The following CNTN1 variants were observed in gnomAD, a reference collection of about 807,000 sequenced individuals.
CNTN1 encodes contactin-1.
CNTN1 carries 38 observed loss-of-function variants against 126.4 expected under a neutral mutation model. The observed-to-expected ratio is 0.30, with a 90% CI of 0.23 to 0.39. The LOEUF (loss-of-function observed/expected upper bound fraction) is 0.39. Among genes scored for constraint, CNTN1 ranks in the 10% least tolerant of loss-of-function variants. The pLI is 1.00. For missense variants in CNTN1, 1,009 were observed against 1,248.4 expected (o/e 0.81, Z 2.89); for synonymous variants, 413 against 422.6 (o/e 0.98, Z 0.28).
At chr12:40,960,488 C>T (rs1050933869) in intron 15 of CNTN1, among the ~76,000 whole-genome samples, 4 of 152,010 alleles carry the variant, frequency 2.6e-5, no homozygotes, top group Non-Finnish European at 5.9e-5. Flanking sequence ...CTGCATTTCC[C>T]TCTAGAGCAA....
intron 1 of CNTN1, among the ~76,000 whole-genome samples, chr12:40,794,441 T>A (rs1193099886): frequency 1.6e-5 from 1 of 61,472 alleles, no homozygotes; most frequent in Non-Finnish European, 3.6e-5. Flanking sequence ...AATAACTACT[T>A]TTTTTTTTTT....
At chr12:40,863,607 CAGG>C (rs1176986028) in intron 1 of CNTN1, among the ~76,000 whole-genome samples, 1 of 152,142 alleles carries the variant, frequency 6.6e-6, no homozygotes, top group Non-Finnish European at 1.5e-5. Context: ...GGTTGCACAG[CAGG>C]AGGTGAGCAG....
intron 6 of CNTN1, among the ~76,000 whole-genome samples, chr12:40,926,171 G>GGATAGATAGATAGATA (rs56862813): frequency 0.033 from 4,576 of 137,526 alleles, 102 homozygotes; most frequent in East Asian, 0.042. Context: ...TGCTAAATAA[G>GGATAGATAGATAGATA]GATAGATAGA....
chr12:40,946,329 G>T (rs773231096), intron 14 of CNTN1, among the ~76,000 whole-genome samples: 8 of 152,122 alleles, frequency 5.3e-5, no homozygotes, highest in Middle Eastern at 3.4e-3. Flanking sequence ...AGAATTAGTG[G>T]CTCCTCCTAT....
chr12:40,730,549 T>C (rs1403164971), intron 1 of CNTN1, among the ~76,000 whole-genome samples: 3 of 152,182 alleles, frequency 2.0e-5, no homozygotes, highest in African/African-American at 7.2e-5. Context: ...AGAAATGACC[T>C]CAGTTGCCCA....
chr12:40,827,014 T>A lies in CNTN1; in HGVS notation c.-76-81343T>A, dbSNP rs58030804. 3.9e-3 allele frequency among the ~76,000 whole-genome samples: 596 copies of A among 152,306 alleles called. 3 individuals carry two copies. Among genetic ancestry groups the A allele is most frequent in the African/African-American group, 0.014 (576 of 41,568 alleles). ...TAATTGATTTTTATATCTAAGACAC[T>A]TTGAAAAATAGACAAGCATTTTATA... On this transcript the variant is annotated intron_variant, in intron 1 of 23. Coordinates refer to ENST00000551295, the MANE Select transcript of CNTN1 (RefSeq NM_001843.4).
In CNTN1 at chr12:40,924,553, T is replaced by C; in HGVS notation, c.401-4T>C. On this transcript the variant is annotated splice_polypyrimidine_tract_variant and splice_region_variant and intron_variant, in intron 5 of 23. Coordinates refer to ENST00000551295, the MANE Select transcript of CNTN1 (RefSeq NM_001843.4). Reference sequence around the variant, plus strand: ...ATGTTTCTCTTTTTTTCTTTCGTAATTAGATCTTGATCCTTTCCCACCTGA... The same window carrying C: ...ATGTTTCTCTTTTTTTCTTTCGTAACTAGATCTTGATCCTTTCCCACCTGA... 1 of 1,497,748 alleles carries C rather than the reference T, an allele frequency of 6.7e-7. No individual in the cohort carries two copies. Among genetic ancestry groups the C allele is most frequent in the Non-Finnish European group, 9.3e-7 (1 of 1,075,360 alleles). The allele number at this position is 1,497,748 out of a possible 1,614,324, so 92.8% of individuals were successfully genotyped here. A position where few individuals can be genotyped will look rare whatever the true frequency, so the allele number is the denominator to read the frequency against.
At chr12:40,965,900 A>C (rs1947288124) in intron 15 of CNTN1, among the ~76,000 whole-genome samples, 1 of 152,054 alleles carries the variant, frequency 6.6e-6, no homozygotes, top group Non-Finnish European at 1.5e-5. Flanking sequence ...TAAATTAAGC[A>C]ATTTAAGTAT....
intron 1 of CNTN1, among the ~76,000 whole-genome samples, chr12:40,823,676 T>A (rs1202611023): frequency 5.3e-5 from 8 of 152,176 alleles, no homozygotes; most frequent in African/African-American, 1.9e-4. Context: ...ATTTTCCATC[T>A]TCTTTTCACT....
rs145165272 is a variant in CNTN1, at chr12:40,930,777, TATA to T, written c.703+779_703+781del. ...CACAGTGTGATGATGGGAAAAATGCTATAATACCATTGAGGTTCCATTTTTATT... is the reference window on the plus strand; with the variant it reads ...CACAGTGTGATGATGGGAAAAATGCTATACCATTGAGGTTCCATTTTTATT... On this transcript the variant is annotated intron_variant, in intron 7 of 23. Coordinates refer to ENST00000551295, the MANE Select transcript of CNTN1 (RefSeq NM_001843.4). 4.4e-3 allele frequency among the ~76,000 whole-genome samples: 668 copies of T among 152,134 alleles called. 8 individuals carry two copies. The highest frequency in any genetic ancestry group is 0.014 in the African/African-American group (570 of 41,538).
At chr12:41,054,519 A>G (rs1949760123) in intron 23 of CNTN1, among the ~76,000 whole-genome samples, 1 of 152,150 alleles carries the variant, frequency 6.6e-6, no homozygotes, top group South Asian at 2.1e-4. Flanking sequence ...TTTTAAACAT[A>G]AACAAGTTTC....
chr12:40,780,285 G>A (rs1373750619), intron 1 of CNTN1, among the ~76,000 whole-genome samples: 1 of 151,886 alleles, frequency 6.6e-6, no homozygotes, highest in Non-Finnish European at 1.5e-5. Context: ...AGGATGACAG[G>A]TGAACTTGTC....
intron 1 of CNTN1, among the ~76,000 whole-genome samples, chr12:40,864,966 A>G (rs1452584426): frequency 6.6e-6 from 1 of 152,060 alleles, no homozygotes. Context: ...CAGCATGAAT[A>G]AAGGTTCCTT....
chr12:40,786,847 A>G (rs1928554), intron 1 of CNTN1, among the ~76,000 whole-genome samples: 121,149 of 151,540 alleles, frequency 0.8, 48,712 homozygotes, highest in South Asian at 0.86. Context: ...AATACCTTCC[A>G]TGTCACTCTG....
At chr12:40,838,623 C>G (rs1342061500) in intron 1 of CNTN1, among the ~76,000 whole-genome samples, 2 of 152,160 alleles carry the variant, frequency 1.3e-5, no homozygotes, top group East Asian at 3.8e-4. Context: ...TCACCACAGC[C>G]TCCACTAATA....
At chr12:40,909,971 C>G (rs1037418516) in intron 2 of CNTN1, 102 bp from the exon 3 acceptor site, 5 of 856,696 alleles carry the variant, frequency 5.8e-6, no homozygotes, top group Non-Finnish European at 9.9e-6. Context: ...AGGGCCACTA[C>G]TCTCATTCCA....
Position 40,918,778 on chromosome 12 carries a change from T to C in CNTN1, c.227+7T>C. The C allele has an allele frequency of 1.2e-6, 2 of 1,613,524 alleles. No homozygotes were observed. The highest frequency in any genetic ancestry group is 1.7e-6 in the Non-Finnish European group (2 of 1,179,500). On this transcript the variant is annotated splice_region_variant and intron_variant, in intron 4 of 23. Coordinates refer to ENST00000551295, the MANE Select transcript of CNTN1 (RefSeq NM_001843.4). ...GCCCTTTCCCGGTTTACAAGTAATG[T>C]ACCTCGCTTCTCTTTTCAGAGTGGA...
At chr12:40,984,179 T>C (rs1179274026) in intron 16 of CNTN1, among the ~76,000 whole-genome samples, 6 of 151,646 alleles carry the variant, frequency 4.0e-5, no homozygotes, top group African/African-American at 1.5e-4. Flanking sequence ...TATTATCACT[T>C]TCTATAAATG....
intron 1 of CNTN1, among the ~76,000 whole-genome samples, chr12:40,757,625 T>C (rs1163831024): frequency 6.6e-6 from 1 of 152,168 alleles, no homozygotes; most frequent in Non-Finnish European, 1.5e-5. Context: ...CACTATGCTG[T>C]TTTGCTCAGC....
Sources: gnomAD v4.1 joint callset for allele counts (sites outside exome capture counted in the v4.1 genomes callset) on GRCh38, gnomAD v4.1.1 for gene constraint, MANE v1.5 for transcripts, NCBI Gene and HGNC (gene_info 2026-07-23, HGNC 2026-07-21) for gene names.